ARPC2: variants seen among roughly 807,000 people sequenced by gnomAD.
ARPC2 encodes actin related protein 2/3 complex subunit 2.
A neutral mutation model predicts 38.6 loss-of-function variants in ARPC2; 4 were observed. That is an observed-to-expected ratio of 0.10 (90% CI 0.05 to 0.24). The LOEUF is 0.24. Among genes scored for constraint, ARPC2 ranks in the 10% least tolerant of loss-of-function variants. The pLI is 1.00. For missense variants in ARPC2, 229 were observed against 387.3 expected (o/e 0.59, Z 3.43); for synonymous variants, 125 against 140.8 (o/e 0.89, Z 0.79).
chr2:218,228,432 A>G (rs1034216883), intron 3 of ARPC2, among the ~76,000 whole-genome samples: 3 of 152,102 alleles, frequency 2.0e-5, no homozygotes, highest in Admixed American at 2.0e-4. Context: ...AAGCCTCATG[A>G]TGGAGATGAG....
chr2:218,249,531 G>A (rs2106160183), intron 9 of ARPC2, 67 bp downstream of exon 9: 1 of 1,265,640 alleles, frequency 7.9e-7, no homozygotes, highest in Non-Finnish European at 1.1e-6. Context: ...ACTCCTGACA[G>A]AAAGTCATTC....
At chr2:218,252,025 T>C (rs1690204093) in intron 10 of ARPC2, among the ~76,000 whole-genome samples, 1 of 151,980 alleles carries the variant, frequency 6.6e-6, no homozygotes, top group Non-Finnish European at 1.5e-5. Flanking sequence ...GTTGGAGACC[T>C]CCAGCCTGAC....
chr2:218,217,638 G>A, intron 2 of ARPC2, 94 bp downstream of exon 2: 1 of 1,311,448 alleles, frequency 7.6e-7, no homozygotes, highest in Non-Finnish European at 1.1e-6. Flanking sequence ...CTGGAGGAGA[G>A]AAATGGGGTG....
At chr2:218,239,625 C>T (rs1024672599) in intron 7 of ARPC2, 141 bp downstream of exon 7, 8 of 649,226 alleles carry the variant, frequency 1.2e-5, no homozygotes, top group Non-Finnish European at 2.1e-5. Context: ...CGGAGTTTCT[C>T]TCTTGTTGCC....
chr2:218,250,018 A>G, intron 10 of ARPC2, 97 bp downstream of exon 10: 2 of 1,067,796 alleles, frequency 1.9e-6, no homozygotes, highest in Non-Finnish European at 2.7e-6. Context: ...GTATCTGGGC[A>G]CTGGCTACAT....
intron 3 of ARPC2, chr2:218,227,145 T>G (rs1689519430): frequency 2.5e-6 from 1 of 395,132 alleles, no homozygotes; most frequent in Non-Finnish European, 5.2e-6. Context: ...TTGCCAGATA[T>G]CCCTTCGTGA....
At chr2:218,238,090 A>G (rs1048966172) in intron 5 of ARPC2, among the ~76,000 whole-genome samples, 1 of 152,216 alleles carries the variant, frequency 6.6e-6, no homozygotes, top group Non-Finnish European at 1.5e-5. Flanking sequence ...ATTGTACAAT[A>G]TATACCAATA....
intron 3 of ARPC2, chr2:218,227,177 G>A (rs943168522): frequency 5.8e-6 from 2 of 345,948 alleles, no homozygotes; most frequent in African/African-American, 4.3e-5. Context: ...GCTCCATAAA[G>A]TGATGGCACT....
In ARPC2 at chr2:218,238,754, G is replaced by C. The variant is rs1182051322; in HGVS notation, c.359G>C (p.Cys120Ser). ...CAAGCTGGCATGTTGAAGCGAAATT[G>C]TTTTGCCTCTGTCTTTGAAAAATAC... ...VHQAGMLKRN[C>S]FASVFEKYFQ... is the part of the protein sequence containing the mutation. Residue 120 changes from cysteine to serine, a missense_variant, in exon 6 of 11, where the codon TGT becomes TCT. By Grantham distance (112) the Cys-to-Ser change is moderately radical. Coordinates refer to ENST00000315717, the MANE Select transcript of ARPC2 (RefSeq NM_152862.3). 1.9e-6 allele frequency: 3 copies of C among 1,613,952 alleles called. No individual in the cohort carries two copies. In the Admixed American group the frequency reaches 5.0e-5, roughly 27 times the overall value.
chr2:218,225,885 T>G, intron 2 of ARPC2, 35 bp from the exon 3 acceptor site: 1 of 1,610,760 alleles, frequency 6.2e-7, no homozygotes, highest in South Asian at 1.1e-5. Context: ...AGCAATACAG[T>G]CATCTTAACT....
intron 10 of ARPC2, chr2:218,253,012 A>C (rs1425740981): frequency 2.2e-6 from 1 of 456,848 alleles, no homozygotes; most frequent in Admixed American, 2.3e-5. Context: ...CCACCCTGAA[A>C]ACCAGATTAT....
intron 5 of ARPC2, among the ~76,000 whole-genome samples, chr2:218,238,389 CATTA>C (rs1225553156): frequency 1.5e-4 from 23 of 152,198 alleles, no homozygotes; most frequent in Admixed American, 4.6e-4. Flanking sequence ...TTTTGATTAA[CATTA>C]ATTATATATA....
At chr2:218,240,657 C>T (rs550454033) in intron 7 of ARPC2, among the ~76,000 whole-genome samples, 2 of 151,902 alleles carry the variant, frequency 1.3e-5, no homozygotes, top group Non-Finnish European at 2.9e-5. Flanking sequence ...TGTGGGAGGC[C>T]GAGGTGGGCG....
At position 218,253,996 on chromosome 2, in the gene ARPC2, C is replaced by T. The variant is rs757161892; in HGVS notation, c.*81C>T. ...TGGATAATCGTAGCTTTTAATGTTGCGCCTCTTCAGGTTCTTAAGGGATTC... is the reference window on the plus strand; with the variant it reads ...TGGATAATCGTAGCTTTTAATGTTGTGCCTCTTCAGGTTCTTAAGGGATTC... On this transcript the variant is annotated 3_prime_UTR_variant, in exon 11 of 11. Coordinates refer to ENST00000315717, the MANE Select transcript of ARPC2 (RefSeq NM_152862.3). 6 of 1,576,430 alleles carry T rather than the reference C, an allele frequency of 3.8e-6. No homozygotes were observed. Among genetic ancestry groups the T allele is most frequent in the Admixed American group, 1.7e-5 (1 of 58,618 alleles).
intron 5 of ARPC2, chr2:218,235,711 T>G (rs1042906331): frequency 4.6e-5 from 7 of 152,194 alleles, no homozygotes; most frequent in South Asian, 2.1e-4. Flanking sequence ...TCCCTGGGCC[T>G]CCTTCTACCT....
At chr2:218,242,479 C>T (rs140281724) in intron 7 of ARPC2, among the ~76,000 whole-genome samples, 10 of 152,138 alleles carry the variant, frequency 6.6e-5, no homozygotes, top group Admixed American at 6.6e-5. Context: ...ATTTTGAGGG[C>T]CCTTTCTGCC....
intron 8 of ARPC2, among the ~76,000 whole-genome samples, chr2:218,248,119 G>A (rs1026752097): frequency 6.6e-6 from 1 of 151,952 alleles, no homozygotes; most frequent in Admixed American, 6.6e-5. Context: ...TTTGAAGCTG[G>A]GATGCATCTT....
intron 3 of ARPC2, among the ~76,000 whole-genome samples, chr2:218,227,941 G>A (rs1359681156): frequency 6.6e-6 from 1 of 152,112 alleles, no homozygotes; most frequent in African/African-American, 2.4e-5. Flanking sequence ...TAAAAATTTA[G>A]GCATGACACT....
chr2:218,225,842 C>T (rs1202420318), intron 2 of ARPC2, 78 bp from the exon 3 acceptor site: 2 of 1,368,284 alleles, frequency 1.5e-6, no homozygotes, highest in Non-Finnish European at 1.0e-6. Flanking sequence ...AAGTGAAGCT[C>T]AGGTGCCTTT....
Sources: gnomAD v4.1 joint callset for allele counts (sites outside exome capture counted in the v4.1 genomes callset) on GRCh38, gnomAD v4.1.1 for gene constraint, MANE v1.5 for transcripts, NCBI Gene and HGNC (gene_info 2026-07-23, HGNC 2026-07-21) for gene names.